Variants in OSTF1 observed in about 807,000 individuals in gnomAD.
OSTF1 encodes osteoclast-stimulating factor 1.
A neutral mutation model predicts 37.2 loss-of-function variants in OSTF1; 27 were observed. The ratio of observed to expected loss-of-function variants is 0.73; its 90% confidence interval spans 0.54 to 1.00. OSTF1 has a LOEUF of 1.00. OSTF1 is among the 50% of genes least tolerant of loss of function. The probability of loss-of-function intolerance (pLI) is 0.00; values close to 1 mark genes in which losing one functional copy is unlikely to be tolerated. For missense variants in OSTF1, 232 were observed against 253.8 expected (o/e 0.91, Z 0.58); for synonymous variants, 82 against 89.2 (o/e 0.92, Z 0.46).
At chr9:75,111,495 A>G (rs1825387358) in intron 1 of OSTF1, among the ~76,000 whole-genome samples, 1 of 152,182 alleles carries the variant, frequency 6.6e-6, no homozygotes, top group Non-Finnish European at 1.5e-5. Flanking sequence ...GCTTACGTGA[A>G]GAGACCAGCC....
rs985568376 is a variant in OSTF1 at position 75,088,517 on chromosome 9, C to A, written c.-176C>A. 14 of 678,102 alleles carry A rather than the reference C, an allele frequency of 2.1e-5. No homozygotes were observed. In the Admixed American group the frequency reaches 3.1e-4, roughly 15 times the overall value. The allele number at this position is 678,102 out of a possible 1,614,324, so 42.0% of individuals were successfully genotyped here. Reference sequence around the variant, plus strand: ...CGGCCGCGGGGCGGGGCGGAGCACTCGGCGGAGCCGCTCTGCCTGCGTCCG... The same window carrying A: ...CGGCCGCGGGGCGGGGCGGAGCACTAGGCGGAGCCGCTCTGCCTGCGTCCG... On this transcript the variant is annotated 5_prime_UTR_variant, in exon 1 of 10. Coordinates refer to ENST00000346234, the MANE Select transcript of OSTF1 (RefSeq NM_012383.5).
intron 9 of OSTF1, among the ~76,000 whole-genome samples, chr9:75,145,143 C>CTATT (rs1826000437): frequency 1.5e-5 from 1 of 64,896 alleles, no homozygotes; most frequent in African/African-American, 9.0e-5. Flanking sequence ...GCCTGCCTAT[C>CTATT]TATCTATCTA....
intron 8 of OSTF1, among the ~76,000 whole-genome samples, chr9:75,138,061 T>A (rs193289025): frequency 3.3e-5 from 5 of 152,328 alleles, no homozygotes; most frequent in Middle Eastern, 3.4e-3. Flanking sequence ...AGGTGCTAGA[T>A]GTAAAGTGAA....
At chr9:75,096,840 T>C (rs1825095553) in intron 1 of OSTF1, among the ~76,000 whole-genome samples, 1 of 152,204 alleles carries the variant, frequency 6.6e-6, no homozygotes, top group African/African-American at 2.4e-5. Context: ...GGCAGGTATC[T>C]CAGACTCCAG....
At chr9:75,127,765 T>C (rs1825684282) in intron 3 of OSTF1, 146 bp downstream of exon 3, 2 of 500,638 alleles carry the variant, frequency 4.0e-6, no homozygotes, top group Admixed American at 4.1e-5. Context: ...AGCATAAGAT[T>C]GAAAATAGCC....
intron 2 of OSTF1, among the ~76,000 whole-genome samples, chr9:75,125,235 G>A (rs1029228939): frequency 6.6e-6 from 1 of 152,192 alleles, no homozygotes; most frequent in African/African-American, 2.4e-5. Flanking sequence ...GGTGGCTGCT[G>A]AGTCCAGCTG....
chr9:75,142,365 A>G (rs1286340702), intron 9 of OSTF1, among the ~76,000 whole-genome samples: 1 of 152,108 alleles, frequency 6.6e-6, no homozygotes, highest in Non-Finnish European at 1.5e-5. Flanking sequence ...TGATTGGGTC[A>G]GGAAGTAGGA....
chr9:75,112,954 A>G (rs1481582678), intron 1 of OSTF1, among the ~76,000 whole-genome samples: 1 of 152,134 alleles, frequency 6.6e-6, no homozygotes, highest in African/African-American at 2.4e-5. Context: ...GTCAGCAGAA[A>G]ATACTGTATT....
At chr9:75,123,475 G>T (rs1450345083) in intron 2 of OSTF1, among the ~76,000 whole-genome samples, 1 of 152,120 alleles carries the variant, frequency 6.6e-6, no homozygotes, top group Admixed American at 6.5e-5. Context: ...AAACAGAGAA[G>T]TGCATACTTC....
chr9:75,143,695 G>A (rs2118643738), intron 9 of OSTF1, among the ~76,000 whole-genome samples: 1 of 152,300 alleles, frequency 6.6e-6, no homozygotes, highest in Non-Finnish European at 1.5e-5. Context: ...CTTGATTTGA[G>A]ATATGTAAAG....
Position 75,117,497 on chromosome 9 carries a change from T to C in OSTF1, c.35-7T>C. On this transcript the variant is annotated splice_polypyrimidine_tract_variant and splice_region_variant and intron_variant, in intron 1 of 9. Transcript: ENST00000346234. Reference sequence around the variant, plus strand: ...AATTCAGTTGTTGTTTTTTCTTCCTTTTTTAGGGCAAGTTAAAGTCTTCAG... The same window carrying C: ...AATTCAGTTGTTGTTTTTTCTTCCTCTTTTAGGGCAAGTTAAAGTCTTCAG... 1 of 1,608,224 alleles carries C rather than the reference T, an allele frequency of 6.2e-7. No individual in the cohort carries two copies. Among genetic ancestry groups the C allele is most frequent in the Non-Finnish European group, 8.5e-7 (1 of 1,175,756 alleles).
chr9:75,088,718 T>C lies in OSTF1; in HGVS notation c.26T>C (p.Val9Ala). MSKPPPKP[V>A]KPGQVKVFRA... ...ATGTCGAAGCCGCCACCCAAACCAGTCAAACCAGGTGAGGGAGGTAAGGTA... is the reference window on the plus strand; with the variant it reads ...ATGTCGAAGCCGCCACCCAAACCAGCCAAACCAGGTGAGGGAGGTAAGGTA... The change falls in exon 1 of 10, where the codon GTC becomes GCC. Residue 9 changes from valine to alanine, a missense_variant. Coordinates refer to ENST00000346234, the MANE Select transcript of OSTF1 (RefSeq NM_012383.5). The C allele has an allele frequency of 6.2e-7, 1 of 1,609,050 alleles. No homozygotes were observed. Among genetic ancestry groups the C allele is most frequent in the Non-Finnish European group, 8.5e-7 (1 of 1,177,514 alleles).
At chr9:75,142,135 C>T (rs1014717958) in intron 9 of OSTF1, among the ~76,000 whole-genome samples, 1 of 152,104 alleles carries the variant, frequency 6.6e-6, no homozygotes, top group Middle Eastern at 3.2e-3. Flanking sequence ...AACTGCTAAT[C>T]AGTTGGTATT....
intron 1 of OSTF1, among the ~76,000 whole-genome samples, chr9:75,100,788 G>A (rs1453417323): frequency 6.6e-6 from 1 of 151,972 alleles, no homozygotes; most frequent in Non-Finnish European, 1.5e-5. Context: ...TCTGACCCGG[G>A]GCCTTGGCGT....
At chr9:75,100,847 C>T (rs1019218128) in intron 1 of OSTF1, among the ~76,000 whole-genome samples, 1 of 152,168 alleles carries the variant, frequency 6.6e-6, no homozygotes, top group African/African-American at 2.4e-5. Context: ...AACTCTCCCC[C>T]ACCTTCCAGG....
At chr9:75,099,693 G>C (rs1162663522) in intron 1 of OSTF1, among the ~76,000 whole-genome samples, 1 of 152,206 alleles carries the variant, frequency 6.6e-6, no homozygotes, top group East Asian at 1.9e-4. Flanking sequence ...GCCGGGTGTG[G>C]TGATGAGCGC....
chr9:75,124,643 T>A (rs969145166), intron 2 of OSTF1, among the ~76,000 whole-genome samples: 1 of 152,198 alleles, frequency 6.6e-6, no homozygotes, highest in Non-Finnish European at 1.5e-5. Context: ...ATTTTCATCA[T>A]CCCACAGATC....
intron 1 of OSTF1, among the ~76,000 whole-genome samples, chr9:75,103,790 A>G (rs1825237071): frequency 6.6e-6 from 1 of 152,072 alleles, no homozygotes; most frequent in African/African-American, 2.4e-5. Flanking sequence ...ATACACCACC[A>G]TACCCAGCTA....
intron 1 of OSTF1, among the ~76,000 whole-genome samples, chr9:75,102,051 C>T (rs146920342): frequency 2.6e-4 from 40 of 152,334 alleles, no homozygotes; most frequent in African/African-American, 9.4e-4. Flanking sequence ...CTCACTGCAG[C>T]CTCCTGGGCT....
Sources: gnomAD v4.1 joint callset for allele counts (sites outside exome capture counted in the v4.1 genomes callset) on GRCh38, gnomAD v4.1.1 for gene constraint, MANE v1.5 for transcripts, NCBI Gene and HGNC (gene_info 2026-07-23, HGNC 2026-07-21) for gene names.